Variants in IRAK2 observed in about 807,000 individuals in gnomAD.
IRAK2 encodes interleukin-1 receptor-associated kinase-like 2.
A neutral mutation model predicts 72.0 loss-of-function variants in IRAK2; 57 were observed. The observed-to-expected ratio is 0.79, with a 90% confidence interval of 0.64 to 0.99. The LOEUF (loss-of-function observed/expected upper bound fraction) is 0.99. Among genes scored for constraint, IRAK2 ranks in the 50% least tolerant of loss-of-function variants. The pLI is 0.00. For synonymous variants in IRAK2, 293 were observed against 312.7 expected (o/e 0.94, Z 0.67); for missense variants, 790 against 794.4 (o/e 0.99, Z 0.07).
chr3:10,238,677 G>C, intron 11 of IRAK2, 71 bp from the exon 12 acceptor site: 1 of 1,456,120 alleles, frequency 6.9e-7, no homozygotes, highest in Non-Finnish European at 9.4e-7. Context: ...TCTCTGCTGG[G>C]AGGCCAGATG....
At chr3:10,219,454 G>A (rs1697654262) in intron 7 of IRAK2, among the ~76,000 whole-genome samples, 1 of 151,700 alleles carries the variant, frequency 6.6e-6, no homozygotes, top group African/African-American at 2.4e-5. Context: ...AAATAGCTGG[G>A]ACTACAGGCA....
At chr3:10,182,871 A>G (rs1344243663) in intron 2 of IRAK2, among the ~76,000 whole-genome samples, 1 of 150,170 alleles carries the variant, frequency 6.7e-6, no homozygotes, top group Non-Finnish European at 1.5e-5. Context: ...CTGGAGTTCA[A>G]GTGGTTCTCC....
rs993102567 is a variant in IRAK2, at chr3:10,242,508, C to T, written c.*280C>T. ...GAAGCAGAAACCCTGCACACGGGCC[C>T]AGGATGTGGCTGATTTTGTGGTTCC... On this transcript the variant is annotated 3_prime_UTR_variant, in exon 13 of 13. Coordinates refer to ENST00000256458, the MANE Select transcript of IRAK2 (RefSeq NM_001570.4). The T allele has an allele frequency of 4.8e-5, 10 of 209,762 alleles. No homozygotes were observed. Among genetic ancestry groups the T allele is most frequent in the African/African-American group, 2.1e-4 (9 of 43,528 alleles). The allele number at this position is 209,762 out of a possible 1,614,324, so 13.0% of individuals were successfully genotyped here. A position where few individuals can be genotyped will look rare whatever the true frequency, so the allele number is the denominator to read the frequency against.
intron 2 of IRAK2, among the ~76,000 whole-genome samples, chr3:10,196,313 C>T (rs1468615883): frequency 1.3e-5 from 2 of 152,212 alleles, no homozygotes; most frequent in Admixed American, 1.3e-4. Flanking sequence ...CGGGGTTTCG[C>T]CATGTTGGCC....
At chr3:10,236,381 T>A (rs1382734225) in intron 11 of IRAK2, among the ~76,000 whole-genome samples, 3 of 130,258 alleles carry the variant, frequency 2.3e-5, no homozygotes, top group African/African-American at 8.4e-5. Flanking sequence ...AGAATCTCAC[T>A]CTTTCACCCA....
chr3:10,200,556 T>G lies in IRAK2; in HGVS notation c.424+41T>G, dbSNP rs754384541. ...CTTTTTTACTTAAAGCACTTTTATT[T>G]AAGGAAATGAAGATATATCTATAAG... On this transcript the variant is annotated intron_variant, in intron 3 of 12. Coordinates refer to ENST00000256458, the MANE Select transcript of IRAK2 (RefSeq NM_001570.4). The G allele has an allele frequency of 9.9e-6, 15 of 1,512,452 alleles. No individual in the cohort carries two copies. In the African/African-American group the frequency reaches 1.5e-4, roughly 16 times the overall value. The allele number at this position is 1,512,452 out of a possible 1,614,324, so 93.7% of individuals were successfully genotyped here. A position where few individuals can be genotyped will look rare whatever the true frequency, so the allele number is the denominator to read the frequency against.
chr3:10,242,476 G>A lies in IRAK2; in HGVS notation c.*248G>A, dbSNP rs3864022. 5,793 of 266,912 alleles carry A rather than the reference G, an allele frequency of 0.022. 298 individuals are homozygous for A. The highest frequency in any genetic ancestry group is 0.12 in the African/African-American group (5,309 of 45,354). 16.5% of individuals were successfully genotyped at this position (266,912 alleles called of 1,614,324 possible). ...TTGTTAGTCAGAGCAGGGGATCAGA[G>A]GAGACTGAAGCAGAAACCCTGCACA... is the stretch of plus-strand genomic sequence containing the variant. On this transcript the variant is annotated 3_prime_UTR_variant, in exon 13 of 13. Transcript: ENST00000256458.
chr3:10,227,778 T>C (rs1221534700), intron 10 of IRAK2, among the ~76,000 whole-genome samples: 10 of 152,030 alleles, frequency 6.6e-5, no homozygotes, highest in South Asian at 2.1e-4. Context: ...ATGCCATTCT[T>C]CTGCCTCAGC....
chr3:10,165,721 ATT>A (rs34176794), intron 1 of IRAK2, among the ~76,000 whole-genome samples: 31,120 of 76,052 alleles, frequency 0.41, 6,242 homozygotes, highest in East Asian at 0.66. Flanking sequence ...GTCTTGAACT[ATT>A]TTTTTTTTTT....
intron 2 of IRAK2, among the ~76,000 whole-genome samples, chr3:10,196,711 C>T (rs955396532): frequency 1.3e-5 from 2 of 152,242 alleles, no homozygotes; most frequent in African/African-American, 4.8e-5. Flanking sequence ...TGCTGCCTGC[C>T]TCCCTGTTTC....
At chr3:10,201,827 C>T (rs977472336) in intron 3 of IRAK2, among the ~76,000 whole-genome samples, 3 of 152,210 alleles carry the variant, frequency 2.0e-5, no homozygotes, top group Non-Finnish European at 4.4e-5. Context: ...TCACTGTTGC[C>T]GTTTCTGAAG....
intron 1 of IRAK2, among the ~76,000 whole-genome samples, chr3:10,175,315 C>T (rs536270199): frequency 1.3e-5 from 2 of 151,360 alleles, no homozygotes; most frequent in South Asian, 2.1e-4. Flanking sequence ...TTAGTAGAGA[C>T]GGGGTTTCAC....
At chr3:10,187,504 G>T (rs1435663461) in intron 2 of IRAK2, among the ~76,000 whole-genome samples, 1 of 152,162 alleles carries the variant, frequency 6.6e-6, no homozygotes, top group Non-Finnish European at 1.5e-5. Context: ...GCAGATCATG[G>T]TCTAGAGTAG....
intron 11 of IRAK2, 140 bp from the exon 12 acceptor site, chr3:10,238,608 G>A: frequency 1.3e-6 from 1 of 781,072 alleles, no homozygotes; most frequent in Non-Finnish European, 2.0e-6. Flanking sequence ...CAAAGGAAGG[G>A]TGTGGTTTTT....
At chr3:10,209,810 A>G (rs555097908) in intron 4 of IRAK2, 118 bp downstream of exon 4, 2 of 527,934 alleles carry the variant, frequency 3.8e-6, no homozygotes, top group Non-Finnish European at 3.2e-6. Flanking sequence ...GAGAAAGGAA[A>G]TTGCCATCAA....
chr3:10,220,566 C>T (rs1336718133), intron 8 of IRAK2, among the ~76,000 whole-genome samples: 1 of 152,110 alleles, frequency 6.6e-6, no homozygotes, highest in Admixed American at 6.6e-5. Context: ...CCTTAGCCTC[C>T]TGAGTAGCTG....
At chr3:10,228,498 C>T (rs1354818867) in intron 10 of IRAK2, among the ~76,000 whole-genome samples, 1 of 152,142 alleles carries the variant, frequency 6.6e-6, no homozygotes, top group Non-Finnish European at 1.5e-5. Flanking sequence ...CAGCAGTCCT[C>T]TGGGGCTCCC....
intron 2 of IRAK2, among the ~76,000 whole-genome samples, chr3:10,183,384 A>G (rs1160244859): frequency 6.6e-6 from 1 of 152,188 alleles, no homozygotes; most frequent in African/African-American, 2.4e-5. Flanking sequence ...TTAGTTGCCA[A>G]GGCCGTAGTT....
intron 8 of IRAK2, 43 bp downstream of exon 8, chr3:10,219,832 G>A (rs1343270305): frequency 2.9e-6 from 4 of 1,373,124 alleles, no homozygotes; most frequent in Non-Finnish European, 4.2e-6. Context: ...TGGGCTGCAA[G>A]GGTGGAACTG....
Sources: gnomAD v4.1 joint callset for allele counts (sites outside exome capture counted in the v4.1 genomes callset) on GRCh38, gnomAD v4.1.1 for gene constraint, MANE v1.5 for transcripts, NCBI Gene and HGNC (gene_info 2026-07-23, HGNC 2026-07-21) for gene names.